Variants in LDB3 observed in about 807,000 individuals in gnomAD.
LDB3 encodes the protein LIM domain-binding protein 3.
In LDB3, 49 loss-of-function variants were observed where a neutral mutation model predicts 69.0. The observed-to-expected ratio is 0.71, with a 90% CI of 0.56 to 0.90. The LOEUF is 0.90. Among genes scored for constraint, LDB3 ranks in the 40% least tolerant of loss-of-function variants. The probability of loss-of-function intolerance (pLI) is 0.00; values close to 1 mark genes in which losing one functional copy is unlikely to be tolerated. For missense variants in LDB3, 928 were observed against 974.1 expected, an observed-to-expected ratio of 0.95 and a Z score of 0.63; for synonymous variants, 387 against 396.2, an observed-to-expected ratio of 0.98 and a Z score of 0.28.
At chr10:86,681,410 C>T in intron 4 of LDB3, 26 bp from the exon 5 acceptor site, 1 of 1,599,126 alleles carries the variant, frequency 6.3e-7, no homozygotes, top group Non-Finnish European at 8.5e-7. Context: ...TCTTCTCTCT[C>T]CCCTGCATGG....
chr10:86,691,806 G>A, intron 5 of LDB3, 90 bp from the exon 6 acceptor site: 2 of 1,432,420 alleles, frequency 1.4e-6, no homozygotes, highest in Non-Finnish European at 2.0e-6. Flanking sequence ...AGAACGATAG[G>A]GGCCACCAAT....
intron 7 of LDB3, among the ~76,000 whole-genome samples, chr10:86,694,811 C>T (rs1202040909): frequency 2.0e-5 from 3 of 152,194 alleles, no homozygotes; most frequent in Non-Finnish European, 4.4e-5. Flanking sequence ...AGGGAACATG[C>T]CTTGTCCCAC....
intron 5 of LDB3, chr10:86,685,781 T>C: frequency 6.6e-7 from 1 of 1,506,662 alleles, no homozygotes; most frequent in Non-Finnish European, 9.2e-7. Context: ...GTGGATAGAG[T>C]GTGCCTGCTG....
At chr10:86,700,066 G>T (rs1168671816) in intron 7 of LDB3, 1 of 986,388 alleles carries the variant, frequency 1.0e-6, no homozygotes, top group African/African-American at 1.7e-5. Context: ...CCCCAGTCAT[G>T]CTGTGCCTGT....
In LDB3 at chr10:86,728,589, T is replaced by G. The variant is rs530820643; in HGVS notation, c.2094+2337T>G. ...CAAAGTGGAACATGGTTCTTTTGTT[T>G]TTTTTTTTTTTTGAGACAAAGTCTT... On this transcript the variant is annotated intron_variant, in intron 13 of 13. Coordinates refer to ENST00000361373, the MANE Select transcript of LDB3 (RefSeq NM_007078.3). Among the ~76,000 whole-genome samples, 8 of 148,930 alleles carry G rather than the reference T, an allele frequency of 5.4e-5. No homozygotes were observed. The East Asian group carries it at 1.4e-3, about 26-fold the overall frequency.
intron 5 of LDB3, chr10:86,687,384 C>A: frequency 9.2e-7 from 1 of 1,088,020 alleles, no homozygotes; most frequent in Non-Finnish European, 1.4e-6. Flanking sequence ...CTCCTGGAGG[C>A]ATGGCCCTTG....
rs750334087 is a variant in LDB3 at position 86,681,500 on chromosome 10, GCCCAGGCAC to G, written c.399_407del (p.Gly134_Pro136del). On this transcript the variant is annotated inframe_deletion, in exon 5 of 14. Coordinates refer to ENST00000361373, the MANE Select transcript of LDB3 (RefSeq NM_007078.3). ...AGCCCCAGCCCTGAGGCGAGGGCCAGCCCAGGCACCCCAGGCACCCCGGAGCTCAGGCCC... is the reference window on the plus strand; with the variant it reads ...AGCCCCAGCCCTGAGGCGAGGGCCAGCCCAGGCACCCCGGAGCTCAGGCCC... 1.6e-5 allele frequency: 26 copies of G among 1,610,634 alleles called. No individual in the cohort carries two copies. The highest frequency in any genetic ancestry group is 6.6e-5 in the South Asian group (6 of 91,054).
At chr10:86,714,778 C>T (rs953606329) in intron 9 of LDB3, among the ~76,000 whole-genome samples, 2 of 152,214 alleles carry the variant, frequency 1.3e-5, no homozygotes, top group Non-Finnish European at 2.9e-5. Context: ...AGGATGGTCT[C>T]GATCTCCTGA....
intron 11 of LDB3, 134 bp from the exon 12 acceptor site, chr10:86,718,593 T>C: frequency 8.2e-7 from 1 of 1,225,172 alleles, no homozygotes; most frequent in Non-Finnish European, 1.2e-6. Context: ...TTCTTCAGAG[T>C]GACCAAGGCC....
intron 5 of LDB3, among the ~76,000 whole-genome samples, chr10:86,688,648 T>C (rs1404328947): frequency 1.3e-5 from 2 of 152,220 alleles, no homozygotes; most frequent in African/African-American, 2.4e-5. Context: ...CATTAGCTCA[T>C]GCGTACCCAG....
chr10:86,698,523 A>G (rs7088948), intron 7 of LDB3, among the ~76,000 whole-genome samples: 9,071 of 151,914 alleles, frequency 0.06, 523 homozygotes, highest in African/African-American at 0.15. Flanking sequence ...CACGTTTCTG[A>G]CTGCTGCTTG....
intron 2 of LDB3, among the ~76,000 whole-genome samples, chr10:86,676,742 T>C (rs1185051237): frequency 6.6e-6 from 1 of 152,226 alleles, no homozygotes; most frequent in Non-Finnish European, 1.5e-5. Flanking sequence ...ACTCAGTTCC[T>C]GGGCTGCATC....
At chr10:86,670,471 T>A (rs558653353) in intron 2 of LDB3, among the ~76,000 whole-genome samples, 1 of 152,210 alleles carries the variant, frequency 6.6e-6, no homozygotes, top group South Asian at 2.1e-4. Flanking sequence ...AGCTCCACCA[T>A]CTCGAGGCCT....
chr10:86,699,332 G>T lies in LDB3; in HGVS notation c.896+6761G>T, dbSNP rs1428065968. ...CACGTTTTGCCAAATTGCGCAACTG[G>T]CACCATGGCCTTTCAGCCCAAATCC... On this transcript the variant is annotated intron_variant, in intron 7 of 13. Transcript: ENST00000361373. The surrounding 1 kb of genome is among the most constrained non-coding windows in gnomAD (Gnocchi z 4.9). 3 of 1,613,606 alleles carry T rather than the reference G, an allele frequency of 1.9e-6. No homozygotes were observed. The highest frequency in any genetic ancestry group is 2.5e-6 in the Non-Finnish European group (3 of 1,179,938).
At chr10:86,711,509 G>A (rs1846664127) in intron 9 of LDB3, among the ~76,000 whole-genome samples, 1 of 152,028 alleles carries the variant, frequency 6.6e-6, no homozygotes, top group Admixed American at 6.5e-5. Context: ...GGAGTCCGGG[G>A]GCGGCTGGCA....
At chr10:86,666,794 A>G (rs765228319), upstream of LDB3, 1 of 470,974 alleles carries the variant, frequency 2.1e-6, no homozygotes, top group South Asian at 1.5e-5. Context: ...CTTTCCCCAG[A>G]GGCGAGCTTC....
At chr10:86,684,635 C>T (rs1158794618) in intron 5 of LDB3, among the ~76,000 whole-genome samples, 1 of 152,188 alleles carries the variant, frequency 6.6e-6, no homozygotes. Context: ...CTGTGCTGCT[C>T]CCTGGGACCG....
chr10:86,685,555 C>T, intron 5 of LDB3: 2 of 897,416 alleles, frequency 2.2e-6, no homozygotes, highest in Middle Eastern at 2.2e-4. Flanking sequence ...TCTCCTCACC[C>T]ATTGCGGTTT....
At chr10:86,673,871 C>T (rs113234940) in intron 2 of LDB3, among the ~76,000 whole-genome samples, 2,123 of 152,298 alleles carry the variant, frequency 0.014, 50 homozygotes, top group African/African-American at 0.049. Context: ...TGGCCAGAAA[C>T]GTCTGCAGAG....
Sources: allele counts gnomAD v4.1 joint callset (sites outside exome capture counted in the v4.1 genomes callset), GRCh38; gene constraint gnomAD v4.1.1; non-coding constraint Gnocchi (gnomAD v3.1); transcripts MANE v1.5; gene names NCBI Gene and HGNC (gene_info 2026-07-23, HGNC 2026-07-21).